The following STARD13 variants were observed in gnomAD, a reference collection of about 807,000 sequenced individuals.
STARD13 encodes stAR-related lipid transfer protein 13.
Under a neutral mutation model 106.4 loss-of-function variants are expected in STARD13, and 62 were observed. The ratio of observed to expected loss-of-function variants is 0.58; its 90% CI spans 0.48 to 0.72. STARD13 has a LOEUF of 0.72. STARD13 is among the 30% of genes least tolerant of loss of function. STARD13 has a pLI of 0.00. For missense variants in STARD13, 1,387 were observed against 1,424.0 expected (o/e 0.97, Z 0.42); for synonymous variants, 565 against 553.0 (o/e 1.02, Z -0.31).
intron 1 of STARD13, among the ~76,000 whole-genome samples, chr13:33,341,557 C>T (rs2077960727): frequency 1.3e-5 from 2 of 149,210 alleles, no homozygotes; most frequent in African/African-American, 2.5e-5. Flanking sequence ...TGCCACTGCA[C>T]TCCAGCCTGG....
At chr13:33,547,936 T>C in the STARD13 span, among the ~76,000 whole-genome samples, 1 of 152,190 alleles carries the variant, frequency 6.6e-6, no homozygotes, top group Non-Finnish European at 1.5e-5. Flanking sequence ...ATACTAGTTA[T>C]TGAACAATGC....
At chr13:33,639,086 A>G in the STARD13 span, among the ~76,000 whole-genome samples, 1,341 of 152,326 alleles carry the variant, frequency 8.8e-3, 22 homozygotes, top group African/African-American at 0.029. Context: ...AGTTTGCAGC[A>G]TAAGGGGAAA....
At chr13:33,551,942 G>C in the STARD13 span, among the ~76,000 whole-genome samples, 1 of 151,960 alleles carries the variant, frequency 6.6e-6, no homozygotes, top group Non-Finnish European at 1.5e-5. Flanking sequence ...AAAGTTAAAA[G>C]GATGGAAAAT....
chr13:33,224,240 T>C lies in STARD13; in HGVS notation c.170-56618A>G, dbSNP rs534564252. On this transcript the variant is annotated intron_variant, in intron 1 of 13. Transcript: ENST00000336934. ...CCAGGTAGCCATAGGATGGAGATAA[T>C]GCTCTCATCTTTTCAGGATTTCATT... 9.8e-5 allele frequency among the ~76,000 whole-genome samples: 15 copies of C among 152,294 alleles called. No homozygotes were observed. In the South Asian group the frequency reaches 2.9e-3, roughly 29 times the overall value.
chr13:33,263,540 G>A (rs958932486), intron 1 of STARD13, among the ~76,000 whole-genome samples: 2 of 152,172 alleles, frequency 1.3e-5, no homozygotes, highest in Non-Finnish European at 2.9e-5. Flanking sequence ...TCTTGGGAAG[G>A]GAGTGGGAGT....
chr13:33,343,585 A>AAAAAAAAAC (rs1555264008), intron 1 of STARD13, among the ~76,000 whole-genome samples: 1 of 94,980 alleles, frequency 1.1e-5, no homozygotes, highest in Non-Finnish European at 2.1e-5. Context: ...CTTAAAAAAA[A>AAAAAAAAAC]AAAAAAAAAA....
At chr13:33,591,586 A>G in the STARD13 span, among the ~76,000 whole-genome samples, 1 of 152,308 alleles carries the variant, frequency 6.6e-6, no homozygotes, top group African/African-American at 2.4e-5. Context: ...TATCATCACA[A>G]CAAATTTAAC....
At chr13:33,609,105 A>AAAGAAAG in the STARD13 span, among the ~76,000 whole-genome samples, 1 of 133,168 alleles carries the variant, frequency 7.5e-6, no homozygotes, top group African/African-American at 3.3e-5. Flanking sequence ...AAAAAAAAAA[A>AAAGAAAG]AAATATTGAT....
chr13:33,262,023 T>C (rs73458263), intron 1 of STARD13, among the ~76,000 whole-genome samples: 7,710 of 152,214 alleles, frequency 0.051, 265 homozygotes, highest in African/African-American at 0.088. Context: ...ACAATCTGGA[T>C]TGTGTTCATC....
chr13:33,354,486 G>A (rs1469257404), upstream of STARD13, among the ~76,000 whole-genome samples: 1 of 152,226 alleles, frequency 6.6e-6, no homozygotes, highest in African/African-American at 2.4e-5. Context: ...CCAGAGTTCA[G>A]TGTCCTTACC....
At chr13:33,400,653 C>T in the STARD13 span, among the ~76,000 whole-genome samples, 116 of 152,062 alleles carry the variant, frequency 7.6e-4, 1 homozygote, top group Non-Finnish European at 1.5e-3. Context: ...TTACTAGAGA[C>T]GGGGTTTCAC....
At chr13:33,668,922 T>C in the STARD13 span, among the ~76,000 whole-genome samples, 1 of 152,312 alleles carries the variant, frequency 6.6e-6, no homozygotes, top group African/African-American at 2.4e-5. Context: ...TGCTAAGTAG[T>C]TTACCACATA....
At chr13:33,421,221 G>A in the STARD13 span, among the ~76,000 whole-genome samples, 9 of 152,062 alleles carry the variant, frequency 5.9e-5, no homozygotes, top group African/African-American at 1.9e-4. Context: ...GAAGAACAGA[G>A]AGAAGAATCA....
intron 1 of STARD13, among the ~76,000 whole-genome samples, chr13:33,177,051 A>C (rs1884591774): frequency 6.6e-6 from 1 of 152,204 alleles, no homozygotes; most frequent in Non-Finnish European, 1.5e-5. Flanking sequence ...AGTACATGCT[A>C]TGTAAAGATA....
At chr13:33,657,401 T>C in the STARD13 span, 1 of 152,226 alleles carries the variant, frequency 6.6e-6, no homozygotes, top group Non-Finnish European at 1.5e-5. Context: ...TGTTCAGTAT[T>C]GAAGGAGTCA....
intron 1 of STARD13, among the ~76,000 whole-genome samples, chr13:33,301,974 A>T (rs932300032): frequency 2.0e-5 from 3 of 152,210 alleles, no homozygotes; most frequent in Non-Finnish European, 2.9e-5. Flanking sequence ...GCAGGCAGGA[A>T]GCATGTTCAG....
At chr13:33,481,545 A>G in the STARD13 span, among the ~76,000 whole-genome samples, 1 of 152,242 alleles carries the variant, frequency 6.6e-6, no homozygotes, top group African/African-American at 2.4e-5. Flanking sequence ...GAAATTTTAG[A>G]GAAAACACAA....
chr13:33,258,964 C>T (rs916307278), intron 1 of STARD13, among the ~76,000 whole-genome samples: 2 of 152,192 alleles, frequency 1.3e-5, no homozygotes, highest in African/African-American at 4.8e-5. Context: ...CTTTGCTGGG[C>T]TGTCTCTTTC....
the STARD13 span, among the ~76,000 whole-genome samples, chr13:33,508,701 C>T: frequency 6.6e-5 from 10 of 152,174 alleles, no homozygotes; most frequent in Admixed American, 1.3e-4. Flanking sequence ...ACAGCAAAGC[C>T]GCCAGATGAA....
Sources: allele counts gnomAD v4.1 joint callset (sites outside exome capture counted in the v4.1 genomes callset), GRCh38; gene constraint gnomAD v4.1.1; transcripts MANE v1.5; gene names NCBI Gene and HGNC (gene_info 2026-07-23, HGNC 2026-07-21).